PRKN: variants seen among roughly 807,000 people sequenced by gnomAD.
PRKN encodes the protein E3 ubiquitin-protein ligase parkin.
Under a neutral mutation model 59.5 loss-of-function variants are expected in PRKN, and 56 were observed. The observed-to-expected ratio is 0.94, with a 90% CI of 0.76 to 1.18. The LOEUF (loss-of-function observed/expected upper bound fraction) is 1.18, where lower values mean the gene tolerates loss of function less well. Ranked by LOEUF, PRKN falls within the 50% of genes most tolerant of loss-of-function variation. PRKN has a pLI of 0.00. For synonymous variants in PRKN, 250 were observed against 222.1 expected (o/e 1.13, Z -1.12); for missense variants, 657 against 596.4 (o/e 1.10, Z -1.06).
intron 4 of PRKN, among the ~76,000 whole-genome samples, chr6:162,139,285 A>G (rs1277122566): frequency 6.6e-6 from 1 of 152,228 alleles, no homozygotes; most frequent in African/African-American, 2.4e-5. Flanking sequence ...TAATTAACCT[A>G]TCACCATCTT....
At chr6:162,719,623 A>T (rs1409890660) in intron 1 of PRKN, among the ~76,000 whole-genome samples, 1 of 152,174 alleles carries the variant, frequency 6.6e-6, no homozygotes, top group African/African-American at 2.4e-5. Context: ...TCCATTGCAG[A>T]CAATTCCCAA....
rs1053912688 is a variant in PRKN, at chr6:161,356,510, C to T, written c.1285+3578G>A. ...GATCATAAATATGCGAGAGTGGAGG[C>T]GAGAGCCCTTTTGGGAAGCTGTGCT... On this transcript the variant is annotated intron_variant, in intron 11 of 11. Coordinates refer to ENST00000366898, the MANE Select transcript of PRKN (RefSeq NM_004562.3). This position sits in a 1 kb window ranked among gnomAD's most constrained non-coding sequence, Gnocchi z 7.8. Among the ~76,000 whole-genome samples, 18 of 152,186 alleles carry T rather than the reference C, an allele frequency of 1.2e-4. No individual in the cohort carries two copies. Among genetic ancestry groups the T allele is most frequent in the African/African-American group, 4.1e-4 (17 of 41,518 alleles).
chr6:161,621,249 C>T (rs946203421), intron 7 of PRKN, among the ~76,000 whole-genome samples: 11 of 152,092 alleles, frequency 7.2e-5, no homozygotes, highest in Non-Finnish European at 1.6e-4. Context: ...GGAATTGGCT[C>T]ATGTGATGAT....
intron 6 of PRKN, among the ~76,000 whole-genome samples, chr6:161,933,943 T>C (rs1779261225): frequency 6.6e-6 from 1 of 152,248 alleles, no homozygotes; most frequent in Non-Finnish European, 1.5e-5. Context: ...GCAAATGAAG[T>C]ACACCACTTG....
At chr6:162,500,623 G>A (rs1793321510) in intron 1 of PRKN, among the ~76,000 whole-genome samples, 1 of 151,480 alleles carries the variant, frequency 6.6e-6, no homozygotes, top group Admixed American at 6.6e-5. Context: ...TAAGTCAGTA[G>A]AGTCTCTTTT....
chr6:162,293,774 G>A (rs1306423954), intron 2 of PRKN, among the ~76,000 whole-genome samples: 1 of 152,186 alleles, frequency 6.6e-6, no homozygotes, highest in Non-Finnish European at 1.5e-5. Context: ...ATGTGGGCAG[G>A]TGGAGAGACA....
chr6:161,742,192 A>G (rs1788218504), intron 7 of PRKN, among the ~76,000 whole-genome samples: 2 of 151,998 alleles, frequency 1.3e-5, no homozygotes, highest in South Asian at 4.2e-4. Context: ...CTGGTCTCGA[A>G]CTCCTGACCT....
intron 5 of PRKN, among the ~76,000 whole-genome samples, chr6:162,007,799 TATA>T (rs1782319268): frequency 6.6e-6 from 1 of 152,172 alleles, no homozygotes; most frequent in Non-Finnish European, 1.5e-5. Flanking sequence ...CTGAGTTCTC[TATA>T]ATAACTTCAT....
At chr6:161,873,288 C>T (rs1214752660) in intron 6 of PRKN, among the ~76,000 whole-genome samples, 1 of 151,868 alleles carries the variant, frequency 6.6e-6, no homozygotes, top group African/African-American at 2.4e-5. Context: ...CTACCCCAGA[C>T]ACTCATTCTC....
intron 3 of PRKN, among the ~76,000 whole-genome samples, chr6:162,221,946 C>G (rs186091568): frequency 2.8e-4 from 42 of 152,260 alleles, no homozygotes; most frequent in African/African-American, 1.0e-3. Flanking sequence ...CATACATAAT[C>G]TTATCTAACA....
At chr6:162,663,598 G>T (rs959561598) in intron 1 of PRKN, among the ~76,000 whole-genome samples, 3 of 152,094 alleles carry the variant, frequency 2.0e-5, no homozygotes. Context: ...ATTAGAACTT[G>T]CACTGGTTCC....
intron 2 of PRKN, among the ~76,000 whole-genome samples, chr6:162,390,430 T>TTA (rs61365686): frequency 0.056 from 6,359 of 114,358 alleles, 523 homozygotes; most frequent in African/African-American, 0.2. Flanking sequence ...CACACACACC[T>TTA]TATATATATA....
intron 4 of PRKN, among the ~76,000 whole-genome samples, chr6:162,100,751 CT>C (rs1562513451): frequency 6.6e-6 from 1 of 152,078 alleles, no homozygotes; most frequent in South Asian, 2.1e-4. Flanking sequence ...CATCTCTTGT[CT>C]TTTTGATAAC....
At chr6:162,518,465 A>G (rs1777956129) in intron 1 of PRKN, among the ~76,000 whole-genome samples, 1 of 152,266 alleles carries the variant, frequency 6.6e-6, no homozygotes, top group South Asian at 2.1e-4. Context: ...TCCCAGGTTC[A>G]AGTGATTCTC....
intron 9 of PRKN, among the ~76,000 whole-genome samples, chr6:161,515,939 A>T (rs1470040523): frequency 6.6e-6 from 1 of 152,076 alleles, no homozygotes; most frequent in Non-Finnish European, 1.5e-5. Context: ...AAAGGAGAAA[A>T]TTTTTTTTCC....
intron 1 of PRKN, among the ~76,000 whole-genome samples, chr6:162,446,972 C>T (rs1324336908): frequency 2.0e-5 from 3 of 152,160 alleles, no homozygotes; most frequent in Non-Finnish European, 4.4e-5. Context: ...CTGGTTGTAA[C>T]GCTTGCTAAT....
chr6:161,770,088 A>G (rs879701048), intron 7 of PRKN, among the ~76,000 whole-genome samples: 1 of 152,128 alleles, frequency 6.6e-6, no homozygotes, highest in Non-Finnish European at 1.5e-5. Flanking sequence ...CCATCCTGAA[A>G]CGTCTGCTAG....
rs564504684 is a variant in PRKN at position 162,041,884 on chromosome 6, G to A, written c.618+12207C>T. On this transcript the variant is annotated intron_variant, in intron 5 of 11. Coordinates refer to ENST00000366898, the MANE Select transcript of PRKN (RefSeq NM_004562.3). Reference sequence around the variant, plus strand: ...TTACAGTGTGCATTTAGTCCCGTACGTGTGGCTGACATATCCTATCCTAGA... The same window carrying A: ...TTACAGTGTGCATTTAGTCCCGTACATGTGGCTGACATATCCTATCCTAGA... 2.1e-3 allele frequency among the ~76,000 whole-genome samples: 325 copies of A among 152,122 alleles called. 2 individuals are homozygous for A. The highest frequency in any genetic ancestry group is 6.9e-3 in the African/African-American group (286 of 41,514).
chr6:162,339,625 C>T (rs555371571), intron 2 of PRKN, among the ~76,000 whole-genome samples: 4 of 151,974 alleles, frequency 2.6e-5, no homozygotes, highest in East Asian at 3.9e-4. Context: ...GCCACCACCC[C>T]GTCTGGGAGG....
Sources: gnomAD v4.1 joint callset for allele counts (sites outside exome capture counted in the v4.1 genomes callset) on GRCh38, gnomAD v4.1.1 for gene constraint, Gnocchi (gnomAD v3.1) non-coding constraint, MANE v1.5 for transcripts, NCBI Gene and HGNC (gene_info 2026-07-23, HGNC 2026-07-21) for gene names.